The following NKAIN2 variants were observed in gnomAD, a reference collection of about 807,000 sequenced individuals.
The protein encoded by NKAIN2 is sodium/potassium-transporting ATPase subunit beta-1-interacting protein 2.
Under a neutral mutation model 32.6 loss-of-function variants are expected in NKAIN2, and 14 were observed. That is an observed-to-expected ratio of 0.43 (90% CI 0.28 to 0.67). The LOEUF (loss-of-function observed/expected upper bound fraction) is 0.67. Among genes scored for constraint, NKAIN2 ranks in the 30% least tolerant of loss-of-function variants. The probability of loss-of-function intolerance (pLI) is 0.17; values close to 1 mark genes in which losing one functional copy is unlikely to be tolerated. For missense variants in NKAIN2, 198 were observed against 258.3 expected (o/e 0.77, Z 1.60); for synonymous variants, 80 against 87.2 (o/e 0.92, Z 0.46).
intron 1 of NKAIN2, among the ~76,000 whole-genome samples, chr6:124,275,855 C>A (rs1795006200): frequency 1.3e-5 from 2 of 152,072 alleles, no homozygotes; most frequent in Non-Finnish European, 1.5e-5. Context: ...TTTTAAGATG[C>A]AATCCAGGCA....
At chr6:124,585,829 A>G in intron 3 of NKAIN2, among the ~76,000 whole-genome samples, 1 of 152,180 alleles carries the variant, frequency 6.6e-6, no homozygotes, top group East Asian at 1.9e-4. Context: ...CAACTATGTG[A>G]GTTTTGACAA....
rs564355221 is a variant in NKAIN2, at chr6:124,775,425, C to T, written c.475-15914C>T. On this transcript the variant is annotated intron_variant, in intron 4 of 6. Transcript: ENST00000368417. The stretch of plus-strand genomic sequence containing the variant: ...TACTTAAGAAGTTGATACAGTACAG[C>T]TTTAAAAACAACAACGAAACCTACA... Among the ~76,000 whole-genome samples the T allele has an allele frequency of 9.2e-5, 14 of 152,294 alleles. No homozygotes were observed. The South Asian group carries it at 2.7e-3, about 29-fold the overall frequency.
chr6:124,039,396 A>G (rs976943146), intron 1 of NKAIN2, among the ~76,000 whole-genome samples: 3 of 151,806 alleles, frequency 2.0e-5, no homozygotes, highest in African/African-American at 7.2e-5. Context: ...CGTTATATAT[A>G]TTTATATATA....
rs1349639836 is a variant in NKAIN2 at position 124,531,603 on chromosome 6, A to C, written c.274-126583A>C. Among the ~76,000 whole-genome samples, 3 of 152,092 alleles carry C rather than the reference A, an allele frequency of 2.0e-5. No individual in the cohort carries two copies. The East Asian group carries it at 5.8e-4, about 29-fold the overall frequency. On this transcript the variant is annotated intron_variant, in intron 3 of 6. Transcript: ENST00000368417. ...ATTCTCTCTTTTTCAATTTTTCTGGAAGAATTTGAGCTCACTTTGAACTTG... is the reference window on the plus strand; with the variant it reads ...ATTCTCTCTTTTTCAATTTTTCTGGCAGAATTTGAGCTCACTTTGAACTTG...
At position 124,823,223 on chromosome 6, in the gene NKAIN2, A is replaced by C; in HGVS notation, c.621A>C (p.Ser207=). The change falls in exon 7 of 7, where the codon TCA becomes TCC. Residue 207 remains serine (S), a synonymous_variant. Transcript: ENST00000368417. The part of the protein sequence containing the change: ...SHLQLQPMYM[S]K ...AAACATCTTTTCTCTCTCTCAGGTC[A>C]AAATAATACAGATGACTTCAGTATG... 1 of 1,597,200 alleles carries C rather than the reference A, an allele frequency of 6.3e-7. No individual in the cohort carries two copies.
At position 123,965,802 on chromosome 6, in the gene NKAIN2, A is replaced by G. The variant is rs185466325; in HGVS notation, c.54+161548A>G. 3.8e-3 allele frequency among the ~76,000 whole-genome samples: 572 copies of G among 152,204 alleles called. 5 individuals carry two copies. Among genetic ancestry groups the G allele is most frequent in the African/African-American group, 0.013 (551 of 41,546 alleles). Reference sequence around the variant, plus strand: ...GATCCCTTCCTCCTTTGAATTCACAACTTAATTTGTTTTGGCATCTCTTAT... The same window carrying G: ...GATCCCTTCCTCCTTTGAATTCACAGCTTAATTTGTTTTGGCATCTCTTAT... On this transcript the variant is annotated intron_variant, in intron 1 of 6. Coordinates refer to ENST00000368417, the MANE Select transcript of NKAIN2 (RefSeq NM_001040214.3).
At chr6:124,797,093 G>T (rs1780031718) in intron 5 of NKAIN2, among the ~76,000 whole-genome samples, 1 of 148,002 alleles carries the variant, frequency 6.8e-6, no homozygotes, top group Admixed American at 6.8e-5. Context: ...TGTCCTCAGT[G>T]CTTTATTAGC....
intron 3 of NKAIN2, among the ~76,000 whole-genome samples, chr6:124,654,741 G>T (rs1319169127): frequency 6.6e-6 from 1 of 152,058 alleles, no homozygotes; most frequent in African/African-American, 2.4e-5. Flanking sequence ...TGGCACCCGG[G>T]GAAGTTGCTA....
At chr6:124,161,137 C>T (rs532007719) in intron 1 of NKAIN2, among the ~76,000 whole-genome samples, 4 of 152,232 alleles carry the variant, frequency 2.6e-5, no homozygotes, top group Non-Finnish European at 4.4e-5. Flanking sequence ...TAATGACTCA[C>T]GTTCTGCCTG....
chr6:124,652,067 A>G (rs181186720), intron 3 of NKAIN2, among the ~76,000 whole-genome samples: 5 of 152,204 alleles, frequency 3.3e-5, no homozygotes, highest in Admixed American at 6.5e-5. Flanking sequence ...TATGAAGTTA[A>G]AAGAAGCCAC....
chr6:124,640,991 G>A (rs1266187901), intron 3 of NKAIN2, among the ~76,000 whole-genome samples: 3 of 152,050 alleles, frequency 2.0e-5, no homozygotes, highest in African/African-American at 7.2e-5. Context: ...ACTTTCTTCT[G>A]CAGTTGAGAG....
chr6:124,062,983 A>G (rs1227737133), intron 1 of NKAIN2, among the ~76,000 whole-genome samples: 1 of 152,082 alleles, frequency 6.6e-6, no homozygotes, highest in African/African-American at 2.4e-5. Flanking sequence ...TCACGAGGTC[A>G]GGAGTTCAAG....
At chr6:124,451,536 G>T (rs1051881549) in intron 3 of NKAIN2, among the ~76,000 whole-genome samples, 3 of 152,004 alleles carry the variant, frequency 2.0e-5, no homozygotes, top group East Asian at 1.9e-4. Context: ...ATAGTTATTC[G>T]CAAGCTAGGG....
chr6:124,462,769 T>G (rs1179214577), intron 3 of NKAIN2, among the ~76,000 whole-genome samples: 1 of 152,064 alleles, frequency 6.6e-6, no homozygotes, highest in Non-Finnish European at 1.5e-5. Flanking sequence ...CGTTTTTATA[T>G]GTACTTCGAT....
chr6:124,308,513 CTGAG>C (rs1467797238), intron 2 of NKAIN2, among the ~76,000 whole-genome samples: 1 of 151,986 alleles, frequency 6.6e-6, no homozygotes, highest in Non-Finnish European at 1.5e-5. Context: ...GAAATATTTC[CTGAG>C]TAGTTATTTA....
intron 3 of NKAIN2, among the ~76,000 whole-genome samples, chr6:124,481,369 C>G (rs527966360): frequency 1.4e-4 from 21 of 151,970 alleles, no homozygotes; most frequent in African/African-American, 4.6e-4. Context: ...CAAAATCTCT[C>G]CCAGGTCTAA....
At chr6:124,232,173 C>A (rs926823205) in intron 1 of NKAIN2, among the ~76,000 whole-genome samples, 5 of 152,148 alleles carry the variant, frequency 3.3e-5, no homozygotes, top group Non-Finnish European at 7.3e-5. Flanking sequence ...AATTTCCCAG[C>A]CTTTTCTAAG....
intron 4 of NKAIN2, among the ~76,000 whole-genome samples, chr6:124,733,684 T>C (rs1237022416): frequency 1.3e-5 from 2 of 151,726 alleles, no homozygotes; most frequent in African/African-American, 4.8e-5. Context: ...ATCCATGGGG[T>C]AATGGATTAG....
chr6:124,387,581 A>G (rs541400874), intron 3 of NKAIN2, among the ~76,000 whole-genome samples: 2 of 152,276 alleles, frequency 1.3e-5, no homozygotes, highest in East Asian at 1.9e-4. Flanking sequence ...CATATGAGTA[A>G]CAAAATTCCA....
Sources: gnomAD v4.1 joint callset for allele counts (sites outside exome capture counted in the v4.1 genomes callset) on GRCh38, gnomAD v4.1.1 for gene constraint, MANE v1.5 for transcripts, NCBI Gene and HGNC (gene_info 2026-07-23, HGNC 2026-07-21) for gene names.